CTNNA2: variants seen among roughly 807,000 people sequenced by gnomAD.
CTNNA2 encodes the protein catenin alpha 2.
CTNNA2 carries 42 observed loss-of-function variants against 101.0 expected under a neutral mutation model. The ratio of observed to expected loss-of-function variants is 0.42; its 90% CI spans 0.32 to 0.54. CTNNA2 has a LOEUF of 0.54. Among genes scored for constraint, CTNNA2 ranks in the 20% least tolerant of loss-of-function variants. The pLI, the probability that CTNNA2 is intolerant of heterozygous loss-of-function variation, is 0.14. For synonymous variants in CTNNA2, 450 were observed against 456.4 expected, an observed-to-expected ratio of 0.99 and a Z score of 0.18; for missense variants, 871 against 1,223.1, an observed-to-expected ratio of 0.71 and a Z score of 4.29.
Position 80,303,577 on chromosome 2 carries a change from G to A in CTNNA2, c.1057-89634G>A, listed in dbSNP as rs1471814713. On this transcript the variant is annotated intron_variant, in intron 7 of 18. Coordinates refer to ENST00000402739, the MANE Select transcript of CTNNA2 (RefSeq NM_001282597.3). This position sits in a 1 kb window ranked among gnomAD's most constrained non-coding sequence, Gnocchi z 7.7. ...GCATTAACCCCGTGAACTGGCCGGCGCGCAGCTCCGAGAGGCTGTTGTAGC... is the reference window on the plus strand; with the variant it reads ...GCATTAACCCCGTGAACTGGCCGGCACGCAGCTCCGAGAGGCTGTTGTAGC... 1 of 1,614,114 alleles carries A rather than the reference G, an allele frequency of 6.2e-7. No homozygotes were observed. Among genetic ancestry groups the A allele is most frequent in the Admixed American group, 1.7e-5 (1 of 60,016 alleles).
chr2:79,625,160 A>G (rs1679228029), intron 1 of CTNNA2, among the ~76,000 whole-genome samples: 3 of 152,184 alleles, frequency 2.0e-5, no homozygotes, highest in Admixed American at 1.3e-4. Flanking sequence ...TAAGTACTTC[A>G]GTGTTACTGG....
In CTNNA2 at chr2:80,020,250, T is replaced by A. The variant is rs553437140; in HGVS notation, c.1056+110453T>A. Among the ~76,000 whole-genome samples, 9 of 152,292 alleles carry A rather than the reference T, an allele frequency of 5.9e-5. No homozygotes were observed. In the East Asian group the frequency reaches 1.7e-3, roughly 29 times the overall value. On this transcript the variant is annotated intron_variant, in intron 7 of 18. Coordinates refer to ENST00000402739, the MANE Select transcript of CTNNA2 (RefSeq NM_001282597.3). ...ACCAAGGGGAAGTGAATGAGGACAC[T>A]GGAATGGAGTCTGTTTCATGCTATG...
intron 7 of CTNNA2, chr2:80,301,935 T>C (rs1337711395): frequency 4.3e-6 from 1 of 232,270 alleles, no homozygotes; most frequent in Non-Finnish European, 8.2e-6. Context: ...AAAAAATCAA[T>C]GATTGGTACC....
intron 9 of CTNNA2, among the ~76,000 whole-genome samples, chr2:80,496,425 C>A (rs1687478102): frequency 6.9e-6 from 1 of 144,342 alleles, no homozygotes; most frequent in East Asian, 2.0e-4. Flanking sequence ...ATCTTAGAAC[C>A]TGTAAATTAT....
intron 2 of CTNNA2, among the ~76,000 whole-genome samples, chr2:79,280,018 A>T (rs1204881952): frequency 6.6e-6 from 1 of 152,106 alleles, no homozygotes; most frequent in Non-Finnish European, 1.5e-5. Context: ...ATATTTCGCA[A>T]ACTTATTTGC....
intron 7 of CTNNA2, chr2:80,305,015 C>G: frequency 1.0e-6 from 1 of 965,250 alleles, no homozygotes; most frequent in Non-Finnish European, 1.2e-6. Context: ...TCTGTGCTCT[C>G]CCCCTTGCCT....
intron 2 of CTNNA2, among the ~76,000 whole-genome samples, chr2:79,281,931 T>C (rs776756915): frequency 2.6e-5 from 4 of 152,208 alleles, no homozygotes; most frequent in Admixed American, 1.3e-4. Context: ...AATTTTTACA[T>C]GAATATTTCC....
intron 1 of CTNNA2, among the ~76,000 whole-genome samples, chr2:79,609,529 C>G (rs72822509): frequency 0.045 from 6,847 of 152,084 alleles, 218 homozygotes; most frequent in Non-Finnish European, 0.065. Flanking sequence ...GGAGGACTAA[C>G]AGTATGTGAC....
intron 7 of CTNNA2, among the ~76,000 whole-genome samples, chr2:80,208,688 A>G (rs1036354051): frequency 2.0e-5 from 3 of 152,190 alleles, no homozygotes; most frequent in Non-Finnish European, 4.4e-5. Context: ...AGGCATAGCT[A>G]TATGATTTGT....
At chr2:79,573,413 A>G (rs2103839446) in intron 1 of CTNNA2, among the ~76,000 whole-genome samples, 1 of 152,340 alleles carries the variant, frequency 6.6e-6, no homozygotes, top group East Asian at 1.9e-4. Context: ...TTATTTGAAA[A>G]GTGGACTAAC....
chr2:79,494,958 C>T (rs1397429151), intron 4 of CTNNA2, among the ~76,000 whole-genome samples: 1 of 151,978 alleles, frequency 6.6e-6, no homozygotes, highest in Non-Finnish European at 1.5e-5. Flanking sequence ...AAAAAATTAG[C>T]TGGGCGTGGT....
chr2:80,646,035 C>T (rs1238333436), intron 18 of CTNNA2, among the ~76,000 whole-genome samples: 1 of 151,946 alleles, frequency 6.6e-6, no homozygotes. Context: ...AAAAAGCAGC[C>T]AAAGGAACAG....
At chr2:80,103,977 A>G (rs1418226502) in intron 7 of CTNNA2, among the ~76,000 whole-genome samples, 1 of 152,018 alleles carries the variant, frequency 6.6e-6, no homozygotes, top group African/African-American at 2.4e-5. Flanking sequence ...CAGGTGATCC[A>G]CCCTCCTTGG....
At chr2:80,039,399 C>T (rs186115230) in intron 7 of CTNNA2, among the ~76,000 whole-genome samples, 2 of 152,304 alleles carry the variant, frequency 1.3e-5, no homozygotes, top group Admixed American at 1.3e-4. Flanking sequence ...CGGGCAGTTA[C>T]TACCATTTTC....
rs1573534410 is a variant in CTNNA2, at chr2:80,259,808, T to C, written c.1057-133403T>C. 3.9e-5 allele frequency among the ~76,000 whole-genome samples: 6 copies of C among 152,324 alleles called. 2 individuals carry two copies. Among genetic ancestry groups the C allele is most frequent in the Admixed American group, 3.9e-4 (6 of 15,292 alleles). ...CTTCAACTAAGTTACTAAGTAATAA[T>C]GGACAAAGGATTTACTTCTTTCCCT... On this transcript the variant is annotated intron_variant, in intron 7 of 18. Transcript: ENST00000402739.
At chr2:80,192,122 A>G (rs547915783) in intron 7 of CTNNA2, among the ~76,000 whole-genome samples, 10 of 152,350 alleles carry the variant, frequency 6.6e-5, no homozygotes, top group African/African-American at 1.9e-4. Flanking sequence ...TATTCATGGA[A>G]TCACAGAATT....
At chr2:79,607,473 G>A (rs1001179641) in intron 1 of CTNNA2, among the ~76,000 whole-genome samples, 1 of 151,836 alleles carries the variant, frequency 6.6e-6, no homozygotes, top group African/African-American at 2.4e-5. Context: ...ATACAAACAG[G>A]TAATTTTCCA....
chr2:79,419,933 G>T (rs183959127), intron 4 of CTNNA2, among the ~76,000 whole-genome samples: 2 of 151,830 alleles, frequency 1.3e-5, no homozygotes, highest in East Asian at 3.9e-4. Context: ...GTTTCCTCTG[G>T]GCTTTCTTAT....
chr2:79,904,222 ATTTC>A (rs1685264248), intron 6 of CTNNA2, among the ~76,000 whole-genome samples: 1 of 152,044 alleles, frequency 6.6e-6, no homozygotes, highest in South Asian at 2.1e-4. Context: ...ATCATTAGCC[ATTTC>A]TCCATTACAA....
Sources: gnomAD v4.1 joint callset for allele counts (sites outside exome capture counted in the v4.1 genomes callset) on GRCh38, gnomAD v4.1.1 for gene constraint, Gnocchi (gnomAD v3.1) non-coding constraint, MANE v1.5 for transcripts, NCBI Gene and HGNC (gene_info 2026-07-23, HGNC 2026-07-21) for gene names.